The following FBLN2 variants were observed in gnomAD, a reference collection of about 807,000 sequenced individuals.
The protein encoded by FBLN2 is fibulin 2.
FBLN2 carries 81 observed loss-of-function variants against 123.7 expected under a neutral mutation model. That is an observed-to-expected ratio of 0.65 (90% CI 0.55 to 0.79). FBLN2 has a LOEUF of 0.79. Ranked by LOEUF, FBLN2 falls within the 30% of genes least tolerant of loss-of-function variation. FBLN2 has a pLI of 0.00. For missense variants in FBLN2, 1,603 were observed against 1,681.3 expected, an observed-to-expected ratio of 0.95 and a Z score of 0.81; for synonymous variants, 699 against 701.4, an observed-to-expected ratio of 1.00 and a Z score of 0.05.
chr3:13,630,082 C>G, intron 14 of FBLN2, 137 bp downstream of exon 14: 1 of 1,289,784 alleles, frequency 7.8e-7, no homozygotes, highest in Non-Finnish European at 1.1e-6. Context: ...CTGGCCCTTC[C>G]TTCCTCCTCT....
At chr3:13,593,241 C>T (rs1031939130) in intron 2 of FBLN2, among the ~76,000 whole-genome samples, 13 of 152,204 alleles carry the variant, frequency 8.5e-5, no homozygotes, top group African/African-American at 2.9e-4. Flanking sequence ...GTTGGATCTT[C>T]ATTGGAGTCC....
At chr3:13,632,483 G>A (rs1045563129) in intron 16 of FBLN2, among the ~76,000 whole-genome samples, 1 of 152,228 alleles carries the variant, frequency 6.6e-6, no homozygotes, top group Non-Finnish European at 1.5e-5. Context: ...GCTCAGCACA[G>A]TGCAGGCTGG....
intron 9 of FBLN2, among the ~76,000 whole-genome samples, chr3:13,624,829 A>T (rs1269759962): frequency 6.6e-6 from 1 of 152,260 alleles, no homozygotes; most frequent in Non-Finnish European, 1.5e-5. Context: ...GCAGGGGACT[A>T]GTGCACCTGA....
intron 17 of FBLN2, among the ~76,000 whole-genome samples, chr3:13,637,139 C>T (rs112494555): frequency 6.6e-6 from 1 of 152,194 alleles, no homozygotes; most frequent in East Asian, 1.9e-4. Context: ...GACCGCTACT[C>T]TGCCACCAGC....
intron 1 of FBLN2, among the ~76,000 whole-genome samples, chr3:13,567,631 TACAGGC>T (rs1480888166): frequency 1.3e-5 from 2 of 151,872 alleles, no homozygotes; most frequent in African/African-American, 4.8e-5. Context: ...GTGCTGGGAT[TACAGGC>T]GTGAGCCACC....
chr3:13,609,929 A>G (rs1027928486), intron 4 of FBLN2, among the ~76,000 whole-genome samples: 1 of 152,202 alleles, frequency 6.6e-6, no homozygotes, highest in Non-Finnish European at 1.5e-5. Context: ...CCTCCCAGGG[A>G]TTTCTTTCTG....
intron 2 of FBLN2, among the ~76,000 whole-genome samples, chr3:13,582,527 C>T (rs763555292): frequency 1.9e-4 from 29 of 152,202 alleles, no homozygotes; most frequent in Non-Finnish European, 3.7e-4. Context: ...ACCTCCACCC[C>T]CTTGTCCACT....
chr3:13,635,521 T>C (rs544830863), intron 16 of FBLN2, among the ~76,000 whole-genome samples: 2 of 152,346 alleles, frequency 1.3e-5, no homozygotes, highest in East Asian at 3.9e-4. Context: ...TGTGTGTTTG[T>C]TTCTGTGCAC....
intron 1 of FBLN2, among the ~76,000 whole-genome samples, chr3:13,558,612 GATTA>G (rs1235821801): frequency 6.6e-5 from 10 of 151,934 alleles, no homozygotes; most frequent in Non-Finnish European, 1.2e-4. Context: ...GGGCCATACG[GATTA>G]ATTAATCTAC....
rs1236469763 is a variant in FBLN2, at chr3:13,587,161, AT to A, written c.1306+15501del. On this transcript the variant is annotated intron_variant, in intron 2 of 17. Transcript: ENST00000404922. Reference sequence around the variant, plus strand: ...CTCCGTCTCAAAAAAAAAAAAAAAAATAAATAAATAATTAAAAAAATAATAA... The same window carrying A: ...CTCCGTCTCAAAAAAAAAAAAAAAAAAAATAAATAATTAAAAAAATAATAA... 3.3e-4 allele frequency among the ~76,000 whole-genome samples: 49 copies of A among 150,536 alleles called. No homozygotes were observed. The East Asian group carries it at 3.9e-3, about 12-fold the overall frequency.
At chr3:13,579,802 G>A (rs961667021) in intron 2 of FBLN2, among the ~76,000 whole-genome samples, 6 of 152,206 alleles carry the variant, frequency 3.9e-5, no homozygotes, top group Admixed American at 3.3e-4. Context: ...CGATGTGTCT[G>A]TGCTTTTTTT....
chr3:13,633,740 C>T (rs759382693), intron 16 of FBLN2, among the ~76,000 whole-genome samples: 13 of 152,144 alleles, frequency 8.5e-5, no homozygotes, highest in African/African-American at 7.2e-5. Flanking sequence ...CAGGAAAATC[C>T]GAAGGAATTT....
At chr3:13,603,997 G>A (rs1705124099) in intron 2 of FBLN2, among the ~76,000 whole-genome samples, 1 of 152,170 alleles carries the variant, frequency 6.6e-6, no homozygotes, top group Middle Eastern at 3.2e-3. Context: ...GTGATGATGA[G>A]CATTTTTTCA....
At chr3:13,589,150 A>G (rs73040790) in intron 2 of FBLN2, among the ~76,000 whole-genome samples, 9,067 of 152,290 alleles carry the variant, frequency 0.06, 356 homozygotes, top group East Asian at 0.14. Flanking sequence ...CTTCTCCTGA[A>G]TCAGGGCAGG....
At chr3:13,588,647 A>C (rs182114015) in intron 2 of FBLN2, among the ~76,000 whole-genome samples, 1 of 152,372 alleles carries the variant, frequency 6.6e-6, no homozygotes, top group Non-Finnish European at 1.5e-5. Context: ...GAGGCTTTGC[A>C]GAAGACCACG....
intron 5 of FBLN2, among the ~76,000 whole-genome samples, chr3:13,617,224 A>G (rs1325350499): frequency 4.6e-5 from 7 of 151,222 alleles, no homozygotes; most frequent in African/African-American, 1.5e-4. Flanking sequence ...CAGTCCATCC[A>G]TCCGTCTGTT....
At position 13,631,337 on chromosome 3, in the gene FBLN2, G is replaced by A. The variant is rs367781349; in HGVS notation, c.3094G>A (p.Glu1032Lys). The A allele has an allele frequency of 5.0e-6, 8 of 1,602,616 alleles. No homozygotes were observed. The Admixed American group carries it at 5.1e-5, about 10-fold the overall frequency. ...GAACCTCTCTCTGACAGACATCGAC[G>A]AGTGTGCTCAAGGCGCCGGCATCCT... ...EDGHTCTDID[E>K]CAQGAGILCT... The change falls in exon 16 of 18, where the codon GAG (glutamate) becomes AAG (lysine). Residue 1032 changes from glutamate (E) to lysine (K), a missense_variant. By Grantham distance (56) the Glu-to-Lys change is moderately conservative. Coordinates refer to ENST00000404922, the MANE Select transcript of FBLN2 (RefSeq NM_001004019.2).
intron 1 of FBLN2, 89 bp from the exon 2 acceptor site, chr3:13,570,226 G>A: frequency 7.2e-7 from 1 of 1,386,244 alleles, no homozygotes; most frequent in East Asian, 2.5e-5. Flanking sequence ...GGTGGCTGAG[G>A]CTGGGCCCCT....
intron 2 of FBLN2, among the ~76,000 whole-genome samples, chr3:13,587,862 A>ACCC (rs1704558432): frequency 6.6e-6 from 1 of 152,004 alleles, no homozygotes; most frequent in Admixed American, 6.5e-5. Context: ...GCCTGGAGGC[A>ACCC]CCCCCCAATC....
Sources: allele counts gnomAD v4.1 joint callset (sites outside exome capture counted in the v4.1 genomes callset), GRCh38; gene constraint gnomAD v4.1.1; transcripts MANE v1.5; gene names NCBI Gene and HGNC (gene_info 2026-07-23, HGNC 2026-07-21).